The following RAE1 variants were observed in gnomAD, a reference collection of about 807,000 sequenced individuals.
RAE1 encodes ribonucleic acid export 1, also known as mRNA export factor RAE1.
In RAE1, 13 loss-of-function variants were observed where a neutral mutation model predicts 52.7. That is an observed-to-expected ratio of 0.25 (90% confidence interval 0.16 to 0.39). The LOEUF (loss-of-function observed/expected upper bound fraction) is 0.39, where lower values mean the gene tolerates loss of function less well. Among genes scored for constraint, RAE1 ranks in the 10% least tolerant of loss-of-function variants. The pLI is 1.00. For synonymous variants in RAE1, 164 were observed against 153.1 expected, an observed-to-expected ratio of 1.07 and a Z score of -0.52; for missense variants, 262 against 459.8, an observed-to-expected ratio of 0.57 and a Z score of 3.93.
intron 1 of RAE1, among the ~76,000 whole-genome samples, chr20:57,353,258 C>T (rs1330483096): frequency 6.6e-6 from 1 of 152,218 alleles, no homozygotes; most frequent in Non-Finnish European, 1.5e-5. Flanking sequence ...ACTGCATTTT[C>T]TACATAATCT....
At chr20:57,365,027 GA>G (rs1269258717) in intron 4 of RAE1, among the ~76,000 whole-genome samples, 1 of 152,106 alleles carries the variant, frequency 6.6e-6, no homozygotes, top group African/African-American at 2.4e-5. Flanking sequence ...ATCAAAATAA[GA>G]AAAAAATTTT....
At chr20:57,353,901 T>C in intron 1 of RAE1, 131 bp from the exon 2 acceptor site, 2 of 728,952 alleles carry the variant, frequency 2.7e-6, no homozygotes, top group Non-Finnish European at 4.6e-6. Context: ...CTCATTGCGC[T>C]CTTGTCTGAA....
chr20:57,367,703 G>GCAC (rs951972256), intron 7 of RAE1, among the ~76,000 whole-genome samples: 1 of 144,624 alleles, frequency 6.9e-6, no homozygotes, highest in African/African-American at 2.6e-5. Context: ...TCACGCTGTT[G>GCAC]CACTTCAGCC....
intron 8 of RAE1, chr20:57,371,169 G>C (rs996726145): frequency 1.3e-5 from 2 of 152,130 alleles, no homozygotes; most frequent in African/African-American, 4.8e-5. Flanking sequence ...TAATTTCTTG[G>C]ATATGACACC....
At chr20:57,370,561 C>T (rs551724822) in intron 8 of RAE1, among the ~76,000 whole-genome samples, 44 of 152,334 alleles carry the variant, frequency 2.9e-4, no homozygotes, top group African/African-American at 9.1e-4. Context: ...GACACCCAGT[C>T]GGACAGCTCC....
chr20:57,351,406 C>T lies in RAE1; in HGVS notation c.-24C>T. The T allele has an allele frequency of 1.4e-5, 14 of 985,508 alleles. No individual in the cohort carries two copies. Among genetic ancestry groups the T allele is most frequent in the African/African-American group, 1.7e-5 (1 of 57,360 alleles). 61.0% of individuals were successfully genotyped at this position (985,508 alleles called of 1,614,324 possible). On this transcript the variant is annotated 5_prime_UTR_variant, in exon 1 of 12. Transcript: ENST00000395841. ...TCTGCTCCCGGCCGCCGCTTTCCGC[C>T]GGGGCGAGACCCCCAGGTAGGCCCC... is the stretch of plus-strand genomic sequence containing the variant.
At chr20:57,363,461 C>T (rs909373600) in intron 4 of RAE1, among the ~76,000 whole-genome samples, 1 of 152,090 alleles carries the variant, frequency 6.6e-6, no homozygotes, top group Non-Finnish European at 1.5e-5. Context: ...TGCAGTGATC[C>T]ATGATGACAC....
chr20:57,358,892 G>A (rs368392449), intron 4 of RAE1: 2 of 1,217,570 alleles, frequency 1.6e-6, no homozygotes, highest in Non-Finnish European at 2.1e-6. Context: ...GGAGGCTAGG[G>A]CCTGTAGGCT....
At chr20:57,355,691 ATGTT>A (rs1437758694) in intron 3 of RAE1, among the ~76,000 whole-genome samples, 1 of 152,208 alleles carries the variant, frequency 6.6e-6, no homozygotes, top group East Asian at 1.9e-4. Context: ...AATGTATAGT[ATGTT>A]TGTATGATGG....
At chr20:57,358,893 C>T in intron 4 of RAE1, 2 of 1,227,842 alleles carry the variant, frequency 1.6e-6, no homozygotes, top group Non-Finnish European at 2.1e-6. Flanking sequence ...GAGGCTAGGG[C>T]CTGTAGGCTT....
intron 4 of RAE1, among the ~76,000 whole-genome samples, chr20:57,364,624 A>G (rs1285366192): frequency 6.6e-6 from 1 of 152,218 alleles, no homozygotes; most frequent in Non-Finnish European, 1.5e-5. Context: ...AACCTGACCC[A>G]TTGTCTATTT....
intron 7 of RAE1, 54 bp downstream of exon 7, chr20:57,367,133 A>G: frequency 7.0e-7 from 1 of 1,423,350 alleles, no homozygotes; most frequent in Non-Finnish European, 9.6e-7. Context: ...CAAAATAAGT[A>G]TTCTCACCTT....
At chr20:57,367,186 C>T in intron 7 of RAE1, 107 bp downstream of exon 7, 2 of 987,500 alleles carry the variant, frequency 2.0e-6, no homozygotes, top group East Asian at 2.5e-5. Context: ...AAAAATCCTG[C>T]TAGCTTTAGT....
chr20:57,374,709 A>T lies in RAE1; in HGVS notation c.928A>T (p.Thr310Ser). The T allele has an allele frequency of 6.2e-7, 1 of 1,614,180 alleles. No individual in the cohort carries two copies. The highest frequency in any genetic ancestry group is 8.5e-7 in the Non-Finnish European group (1 of 1,180,030). ...WDKDARTKLK[T>S]SEQLDQPISA... Reference sequence around the variant, plus strand: ...CAAAGATGCCAGAACAAAACTAAAAACTTCGGAACAGTTAGATCAGCCCAT... The same window carrying T: ...CAAAGATGCCAGAACAAAACTAAAATCTTCGGAACAGTTAGATCAGCCCAT... Residue 310 changes from threonine (T) to serine (S), a missense_variant, in exon 11 of 12, where the codon ACT becomes TCT. Transcript: ENST00000395841.
Position 57,356,366 on chromosome 20 carries a change from A to G in RAE1, c.196-80A>G, listed in dbSNP as rs531518898. 5.6e-6 allele frequency: 6 copies of G among 1,064,142 alleles called. No individual in the cohort carries two copies. In the East Asian group the frequency reaches 1.6e-4, roughly 28 times the overall value. 65.9% of individuals were successfully genotyped at this position (1,064,142 alleles called of 1,614,324 possible). ...AGAAGTCTATGTATGGTTAAGGTGT[A>G]CCCCATTAGTTTTTAGGTGTTAAAT... is the stretch of plus-strand genomic sequence containing the variant. On this transcript the variant is annotated intron_variant, in intron 3 of 11. Transcript: ENST00000395841.
intron 7 of RAE1, among the ~76,000 whole-genome samples, chr20:57,368,015 G>T (rs188812862): frequency 1.2e-4 from 19 of 152,142 alleles, no homozygotes; most frequent in African/African-American, 4.3e-4. Context: ...TCAGCCTCCC[G>T]TTAACTGGGA....
chr20:57,369,153 A>G (rs543446988), intron 8 of RAE1, among the ~76,000 whole-genome samples: 1 of 152,370 alleles, frequency 6.6e-6, no homozygotes, highest in South Asian at 2.1e-4. Flanking sequence ...ATACAAATGT[A>G]TTGATGTGCA....
chr20:57,359,050 C>T, intron 4 of RAE1: 2 of 1,497,308 alleles, frequency 1.3e-6, no homozygotes, highest in Non-Finnish European at 1.8e-6. Flanking sequence ...TCATTCAAGT[C>T]CCTATTTAGA....
chr20:57,368,326 G>A (rs888901716), intron 7 of RAE1, among the ~76,000 whole-genome samples: 1 of 152,188 alleles, frequency 6.6e-6, no homozygotes, highest in Non-Finnish European at 1.5e-5. Flanking sequence ...GTGTGACGTG[G>A]ACCTTATGAA....
Sources: allele counts gnomAD v4.1 joint callset (sites outside exome capture counted in the v4.1 genomes callset), GRCh38; gene constraint gnomAD v4.1.1; transcripts MANE v1.5; gene names NCBI Gene and HGNC (gene_info 2026-07-23, HGNC 2026-07-21).